The following CTNNA2 variants were observed in gnomAD, a reference collection of about 807,000 sequenced individuals.
CTNNA2 encodes catenin alpha-2.
CTNNA2 carries 42 observed loss-of-function variants against 101.0 expected under a neutral mutation model. That is an observed-to-expected ratio of 0.42 (90% confidence interval 0.32 to 0.54). The LOEUF is 0.54. Among genes scored for constraint, CTNNA2 ranks in the 20% least tolerant of loss-of-function variants. CTNNA2 has a pLI of 0.14. For missense variants in CTNNA2, 871 were observed against 1,223.1 expected, an observed-to-expected ratio of 0.71 and a Z score of 4.29; for synonymous variants, 450 against 456.4, an observed-to-expected ratio of 0.99 and a Z score of 0.18.
At chr2:80,051,151 A>G (rs1434111980) in intron 7 of CTNNA2, among the ~76,000 whole-genome samples, 1 of 152,234 alleles carries the variant, frequency 6.6e-6, no homozygotes, top group Admixed American at 6.5e-5. Context: ...CCAACTAGCA[A>G]TGTTTGGGAA....
intron 2 of CTNNA2, among the ~76,000 whole-genome samples, chr2:79,275,452 A>G (rs932773248): frequency 2.1e-4 from 32 of 152,082 alleles, no homozygotes; most frequent in African/African-American, 6.3e-4. Context: ...CACATCTGCC[A>G]GGCTCAGATG....
intron 7 of CTNNA2, among the ~76,000 whole-genome samples, chr2:80,371,353 G>A (rs1356252868): frequency 6.6e-6 from 1 of 152,110 alleles, no homozygotes; most frequent in Non-Finnish European, 1.5e-5. Context: ...CAGCAAATAT[G>A]TATCAGATGT....
In CTNNA2 at chr2:79,909,643, C is replaced by T. The variant is rs2104322044; in HGVS notation, c.902C>T (p.Pro301Leu). ...PMTFSEARFR[P>L]SLEERLESII... is the part of the protein sequence containing the mutation. ...ACGTTCAGCGAGGCCAGGTTCCGGC[C>T]GTCCCTGGAGGAGAGGCTGGAGAGC... The change falls in exon 7 of 19, where the codon CCG becomes CTG. Residue 301 changes from proline to leucine, a missense_variant. Transcript: ENST00000402739. 1 of 1,613,244 alleles carries T rather than the reference C, an allele frequency of 6.2e-7. No homozygotes were observed. The highest frequency in any genetic ancestry group is 8.5e-7 in the Non-Finnish European group (1 of 1,179,340).
chr2:79,827,250 G>A (rs924965191), intron 3 of CTNNA2, among the ~76,000 whole-genome samples: 3 of 151,966 alleles, frequency 2.0e-5, no homozygotes, highest in African/African-American at 7.3e-5. Context: ...CATTGGCCAG[G>A]CTGTCTCAAA....
intron 2 of CTNNA2, among the ~76,000 whole-genome samples, chr2:79,227,120 G>A (rs1674427012): frequency 6.6e-6 from 1 of 152,126 alleles, no homozygotes; most frequent in African/African-American, 2.4e-5. Flanking sequence ...TCATACCTCA[G>A]AGTAAACTTA....
rs1284447036 is a variant in CTNNA2 at position 80,026,567 on chromosome 2, G to GA, written c.1056+116771dup. Reference sequence around the variant, plus strand: ...GATACTTTCTACTCTAGATGAATCAGACAGAAATGAGTCATTTTTTAAATT... The same window carrying GA: ...GATACTTTCTACTCTAGATGAATCAGAACAGAAATGAGTCATTTTTTAAATT... On this transcript the variant is annotated intron_variant, in intron 7 of 18. Coordinates refer to ENST00000402739, the MANE Select transcript of CTNNA2 (RefSeq NM_001282597.3). 5.9e-5 allele frequency among the ~76,000 whole-genome samples: 9 copies of GA among 152,282 alleles called. No homozygotes were observed. In the East Asian group the frequency reaches 1.2e-3, roughly 20 times the overall value.
At chr2:80,507,213 T>C (rs182254779) in intron 9 of CTNNA2, among the ~76,000 whole-genome samples, 19 of 152,300 alleles carry the variant, frequency 1.2e-4, no homozygotes, top group Admixed American at 1.0e-3. Flanking sequence ...GAATTAAATG[T>C]GGAAATACAT....
intron 2 of CTNNA2, among the ~76,000 whole-genome samples, chr2:79,211,014 T>C (rs1308938802): frequency 3.3e-5 from 5 of 152,212 alleles, no homozygotes; most frequent in African/African-American, 1.2e-4. Flanking sequence ...CCACTTCCTG[T>C]CTACCTGAAA....
Position 79,345,069 on chromosome 2 carries a change from T to A in CTNNA2, c.-317-28762T>A, listed in dbSNP as rs1336786212. ...GCACTTTATTTATATGGAGCTGATT[T>A]GTTGTTGTTAATATTTTATTATGGA... On this transcript the variant is annotated intron_variant, in intron 3 of 21. Transcript: ENST00000466387. Among the ~76,000 whole-genome samples the A allele has an allele frequency of 2.0e-5, 3 of 147,792 alleles. No homozygotes were observed. The Admixed American group carries it at 2.1e-4, about 10-fold the overall frequency.
chr2:80,150,630 C>T (rs1012502353), intron 7 of CTNNA2, among the ~76,000 whole-genome samples: 1 of 152,142 alleles, frequency 6.6e-6, no homozygotes, highest in African/African-American at 2.4e-5. Flanking sequence ...CTTACAGTCT[C>T]TCAGGGGACC....
intron 7 of CTNNA2, among the ~76,000 whole-genome samples, chr2:80,158,814 G>A (rs771841122): frequency 4.6e-5 from 7 of 152,086 alleles, no homozygotes; most frequent in Non-Finnish European, 1.0e-4. Flanking sequence ...GAGAGGTTAA[G>A]GCAGGAGAAT....
intron 1 of CTNNA2, among the ~76,000 whole-genome samples, chr2:79,533,661 A>T (rs779879687): frequency 6.6e-6 from 1 of 152,134 alleles, no homozygotes; most frequent in Non-Finnish European, 1.5e-5. Context: ...GGATTCAGAG[A>T]TCTAGAGGAG....
intron 9 of CTNNA2, among the ~76,000 whole-genome samples, chr2:80,522,740 C>T (rs1417563451): frequency 6.6e-6 from 1 of 152,134 alleles, no homozygotes; most frequent in Non-Finnish European, 1.5e-5. Context: ...CTTTCCCCCT[C>T]ACCTTCCTCC....
At chr2:79,774,669 C>A (rs1234468562) in intron 3 of CTNNA2, among the ~76,000 whole-genome samples, 1 of 152,118 alleles carries the variant, frequency 6.6e-6, no homozygotes, top group Non-Finnish European at 1.5e-5. Flanking sequence ...TAATACTGAA[C>A]TACAAACTAT....
chr2:79,399,304 A>G lies in CTNNA2; in HGVS notation c.-135+25291A>G, dbSNP rs1376616. On this transcript the variant is annotated intron_variant, in intron 4 of 21. Coordinates refer to the CTNNA2 transcript ENST00000466387. ...TATTCCTGGGAATTAGAAGTCATTC[A>G]TGTATGCAGGGCTGTGCTCATGGCC... is the stretch of plus-strand genomic sequence containing the variant. Among the ~76,000 whole-genome samples the G allele has an allele frequency of 0.019, 2,929 of 152,160 alleles. 216 individuals carry two copies. The East Asian group carries it at 0.23, about 12-fold the overall frequency.
chr2:79,443,601 G>A (rs1419593080), intron 4 of CTNNA2, among the ~76,000 whole-genome samples: 1 of 152,056 alleles, frequency 6.6e-6, no homozygotes, highest in Non-Finnish European at 1.5e-5. Flanking sequence ...ACTATCACAA[G>A]TAGGAAGAGA....
chr2:79,506,235 A>C (rs1319404760), intron 5 of CTNNA2, among the ~76,000 whole-genome samples: 2 of 152,188 alleles, frequency 1.3e-5, no homozygotes, highest in East Asian at 3.9e-4. Context: ...AGGTGGTTTA[A>C]AACTTTGTTC....
chr2:79,557,200 G>A (rs1216295439), intron 1 of CTNNA2, among the ~76,000 whole-genome samples: 1 of 151,880 alleles, frequency 6.6e-6, no homozygotes, highest in Non-Finnish European at 1.5e-5. Flanking sequence ...ATTAAATTAT[G>A]GCAGAGTTAT....
At chr2:80,338,802 G>T (rs1347760185) in intron 7 of CTNNA2, among the ~76,000 whole-genome samples, 5 of 152,244 alleles carry the variant, frequency 3.3e-5, no homozygotes, top group Middle Eastern at 3.4e-3. Context: ...AGAGAGCTAG[G>T]CTTGTGATTA....
Sources: gnomAD v4.1 joint callset for allele counts (sites outside exome capture counted in the v4.1 genomes callset) on GRCh38, gnomAD v4.1.1 for gene constraint, MANE v1.5 for transcripts, NCBI Gene and HGNC (gene_info 2026-07-23, HGNC 2026-07-21) for gene names.